The following PPARGC1A variants were observed in gnomAD, a reference collection of about 807,000 sequenced individuals.
PPARGC1A encodes peroxisome proliferator-activated receptor gamma coactivator 1-alpha.
PPARGC1A carries 25 observed loss-of-function variants against 88.7 expected under a neutral mutation model. The ratio of observed to expected loss-of-function variants is 0.28; its 90% CI spans 0.21 to 0.39. The LOEUF is 0.39. PPARGC1A is among the 10% of genes least tolerant of loss of function. The pLI, the probability that PPARGC1A is intolerant of heterozygous loss-of-function variation, is 1.00. For synonymous variants in PPARGC1A, 363 were observed against 355.6 expected (o/e 1.02, Z -0.24); for missense variants, 880 against 968.7 (o/e 0.91, Z 1.22).
At chr4:24,038,958 G>C in the PPARGC1A span, among the ~76,000 whole-genome samples, 344 of 152,228 alleles carry the variant, frequency 2.3e-3, 1 homozygote, top group African/African-American at 8.0e-3. Context: ...TACAAGCTAA[G>C]AGCCACAGTG....
the PPARGC1A span, among the ~76,000 whole-genome samples, chr4:24,435,326 T>C: frequency 2.6e-5 from 4 of 152,220 alleles, no homozygotes; most frequent in Non-Finnish European, 5.9e-5. Context: ...AAATTAATGC[T>C]CTGCCCTCCA....
the PPARGC1A span, among the ~76,000 whole-genome samples, chr4:24,444,108 G>A: frequency 2.6e-5 from 4 of 151,678 alleles, no homozygotes; most frequent in Non-Finnish European, 5.9e-5. Context: ...CACAATATAG[G>A]CAGCCTCCGC....
chr4:24,236,047 T>C, the PPARGC1A span, among the ~76,000 whole-genome samples: 208 of 152,328 alleles, frequency 1.4e-3, no homozygotes, highest in African/African-American at 4.7e-3. Flanking sequence ...CCTAAAGGAA[T>C]AAAATCCTTG....
chr4:23,823,064 G>A (rs1194008435), intron 7 of PPARGC1A, among the ~76,000 whole-genome samples: 1 of 151,872 alleles, frequency 6.6e-6, no homozygotes, highest in Non-Finnish European at 1.5e-5. Flanking sequence ...TTGAAATTAT[G>A]TAAGATGGTA....
At chr4:24,343,661 T>C in the PPARGC1A span, among the ~76,000 whole-genome samples, 1 of 152,212 alleles carries the variant, frequency 6.6e-6, no homozygotes, top group East Asian at 1.9e-4. Flanking sequence ...TATTTGACTT[T>C]CTGGATTAAA....
the PPARGC1A span, among the ~76,000 whole-genome samples, chr4:24,161,344 A>G: frequency 6.6e-6 from 1 of 152,164 alleles, no homozygotes; most frequent in Non-Finnish European, 1.5e-5. Context: ...ACTCATCACA[A>G]TTCATCCCTG....
the PPARGC1A span, among the ~76,000 whole-genome samples, chr4:24,259,307 T>G: frequency 6.6e-6 from 1 of 152,202 alleles, no homozygotes; most frequent in Non-Finnish European, 1.5e-5. Context: ...TCACTCATCC[T>G]CAAATACGCA....
At chr4:24,225,958 A>C in the PPARGC1A span, among the ~76,000 whole-genome samples, 72 of 151,850 alleles carry the variant, frequency 4.7e-4, no homozygotes, top group Middle Eastern at 3.2e-3. Context: ...TAAAACAATA[A>C]TACTAATAAG....
At chr4:24,167,610 C>A in the PPARGC1A span, among the ~76,000 whole-genome samples, 9 of 152,288 alleles carry the variant, frequency 5.9e-5, no homozygotes, top group South Asian at 1.9e-3. Context: ...ATTGCCACAG[C>A]CACCCAACCC....
the PPARGC1A span, among the ~76,000 whole-genome samples, chr4:24,018,439 T>C: frequency 6.6e-6 from 1 of 152,128 alleles, no homozygotes; most frequent in African/African-American, 2.4e-5. Context: ...TTACAGCTTA[T>C]CCAATTTAAT....
chr4:23,973,454 C>T, the PPARGC1A span, among the ~76,000 whole-genome samples: 28 of 152,248 alleles, frequency 1.8e-4, no homozygotes, highest in East Asian at 5.0e-3. Flanking sequence ...AAAGTTTTTG[C>T]TATGAAATTG....
the PPARGC1A span, among the ~76,000 whole-genome samples, chr4:24,261,421 C>T: frequency 6.6e-6 from 1 of 152,332 alleles, no homozygotes; most frequent in South Asian, 2.1e-4. Context: ...CCTGCGTCAT[C>T]TGGTTTCCCT....
the PPARGC1A span, among the ~76,000 whole-genome samples, chr4:24,160,799 T>C: frequency 6.6e-6 from 1 of 152,194 alleles, no homozygotes; most frequent in African/African-American, 2.4e-5. Flanking sequence ...TACTTTCCAT[T>C]TCTAGAAACA....
At chr4:24,213,423 C>T in the PPARGC1A span, among the ~76,000 whole-genome samples, 354 of 152,246 alleles carry the variant, frequency 2.3e-3, 4 homozygotes, top group African/African-American at 7.9e-3. Context: ...GCCTCGGCCT[C>T]CCAAAGTGCG....
At chr4:24,337,702 A>AAAAAAATGAGGTTG in the PPARGC1A span, among the ~76,000 whole-genome samples, 1 of 152,254 alleles carries the variant, frequency 6.6e-6, no homozygotes, top group Middle Eastern at 3.4e-3. Context: ...TGAAAAAAAA[A>AAAAAAATGAGGTTG]AAAAAAATGA....
chr4:24,126,248 G>A, the PPARGC1A span, among the ~76,000 whole-genome samples: 1 of 137,604 alleles, frequency 7.3e-6, no homozygotes, highest in African/African-American at 2.6e-5. Flanking sequence ...TTAAATCACT[G>A]ACTGGCCCTG....
chr4:24,007,020 A>G, the PPARGC1A span, among the ~76,000 whole-genome samples: 2,453 of 152,298 alleles, frequency 0.016, 67 homozygotes, highest in East Asian at 0.1. Flanking sequence ...GATGTCTAAA[A>G]TTGGGAGGCA....
intron 2 of PPARGC1A, among the ~76,000 whole-genome samples, chr4:23,846,369 T>C (rs1270021349): frequency 1.3e-5 from 2 of 152,228 alleles, no homozygotes; most frequent in Admixed American, 1.3e-4. Flanking sequence ...ATTCTACATC[T>C]GTTTTGGAAC....
chr4:24,259,316 C>T, the PPARGC1A span, among the ~76,000 whole-genome samples: 8 of 152,156 alleles, frequency 5.3e-5, no homozygotes, highest in African/African-American at 1.9e-4. Flanking sequence ...CTCAAATACG[C>T]AAGCACATTC....
Sources: gnomAD v4.1 joint callset for allele counts (sites outside exome capture counted in the v4.1 genomes callset) on GRCh38, gnomAD v4.1.1 for gene constraint, MANE v1.5 for transcripts, NCBI Gene and HGNC (gene_info 2026-07-23, HGNC 2026-07-21) for gene names.